The following PCDHGA1 variants were observed in gnomAD, a reference collection of about 807,000 sequenced individuals.
PCDHGA1 encodes protocadherin gamma subfamily A, 1, also known as protocadherin gamma-A1.
A neutral mutation model predicts 58.0 loss-of-function variants in PCDHGA1; 32 were observed. The ratio of observed to expected loss-of-function variants is 0.55; its 90% confidence interval spans 0.42 to 0.74. PCDHGA1 has a LOEUF of 0.74. PCDHGA1 is among the 30% of genes least tolerant of loss of function. The pLI, the probability that PCDHGA1 is intolerant of heterozygous loss-of-function variation, is 0.00. For missense variants in PCDHGA1, 1,205 were observed against 1,182.3 expected (o/e 1.02, Z -0.28); for synonymous variants, 498 against 501.1 (o/e 0.99, Z 0.08).
chr5:141,483,303 T>A (rs1222660132), intron 1 of PCDHGA1, among the ~76,000 whole-genome samples: 1 of 152,146 alleles, frequency 6.6e-6, no homozygotes, highest in Non-Finnish European at 1.5e-5. Context: ...GTGAAGGGAC[T>A]GGGGACATTG....
At chr5:141,398,923 G>A in intron 1 of PCDHGA1, 1 of 1,613,978 alleles carries the variant, frequency 6.2e-7, no homozygotes, top group Non-Finnish European at 8.5e-7. Context: ...GCAAGTGTCA[G>A]CCACTGACCA....
rs368153419 is a variant in PCDHGA1 at position 141,476,458 on chromosome 5, C to T, written c.2422-18349C>T. 1 of 1,614,044 alleles carries T rather than the reference C, an allele frequency of 6.2e-7. No homozygotes were observed. Among genetic ancestry groups the T allele is most frequent in the Non-Finnish European group, 8.5e-7 (1 of 1,180,014 alleles). On this transcript the variant is annotated intron_variant, in intron 1 of 3. Coordinates refer to ENST00000517417, the MANE Select transcript of PCDHGA1 (RefSeq NM_018912.3). The surrounding 1 kb of genome is among the most constrained non-coding windows in gnomAD (Gnocchi z 7.6). ...TAACTCTGGAGTTGGTAGTGGAGAA[C>T]CCGCTGGAGCTGTTCAGCGTGGAAG...
At chr5:141,411,890 G>T (rs2095521758) in intron 1 of PCDHGA1, 1 of 152,148 alleles carries the variant, frequency 6.6e-6, no homozygotes, top group South Asian at 2.1e-4. Context: ...AGAAATAAAT[G>T]AAATACTATT....
At chr5:141,424,036 C>T (rs2096796408) in intron 1 of PCDHGA1, 1 of 1,029,488 alleles carries the variant, frequency 9.7e-7, no homozygotes, top group Non-Finnish European at 1.2e-6. Flanking sequence ...CTTTTTATTT[C>T]CATTTCAATT....
intron 1 of PCDHGA1, among the ~76,000 whole-genome samples, chr5:141,468,178 T>G (rs1033546956): frequency 1.3e-5 from 2 of 151,580 alleles, no homozygotes; most frequent in African/African-American, 4.8e-5. Context: ...TAGAAAAATT[T>G]GCTGGGCATG....
At chr5:141,422,053 G>A in intron 1 of PCDHGA1, 1 of 1,611,606 alleles carries the variant, frequency 6.2e-7, no homozygotes, top group Non-Finnish European at 8.5e-7. Context: ...GGGAATCAAC[G>A]GGGAAGTAAT....
chr5:141,475,821 G>T, intron 1 of PCDHGA1: 1 of 352,534 alleles, frequency 2.8e-6, no homozygotes, highest in Non-Finnish European at 5.1e-6. Context: ...AGTTCCTGGC[G>T]CTAGCGCGTG....
chr5:141,457,386 A>G lies in PCDHGA1; in HGVS notation c.2422-37421A>G, dbSNP rs1303460358. Reference sequence around the variant, plus strand: ...TGCAAAATAATTGCCCAGAACTAGCATATTGATTCACATTTTCACATTACC... The same window carrying G: ...TGCAAAATAATTGCCCAGAACTAGCGTATTGATTCACATTTTCACATTACC... On this transcript the variant is annotated intron_variant, in intron 1 of 3. Transcript: ENST00000517417. Among the ~76,000 whole-genome samples the G allele has an allele frequency of 5.3e-5, 8 of 152,210 alleles. No homozygotes were observed. The East Asian group carries it at 1.3e-3, about 26-fold the overall frequency.
At chr5:141,484,399 CCGCTGTGTCT>C (rs1488164183) in intron 1 of PCDHGA1, among the ~76,000 whole-genome samples, 4 of 152,186 alleles carry the variant, frequency 2.6e-5, no homozygotes, top group Non-Finnish European at 4.4e-5. Context: ...GGTTTGGTTT[CCGCTGTGTCT>C]CCTGTTACAA....
intron 1 of PCDHGA1, chr5:141,372,390 G>GA: frequency 6.2e-7 from 1 of 1,614,044 alleles, no homozygotes; most frequent in Non-Finnish European, 8.5e-7. Context: ...AATCTTCGCA[G>GA]ATAGCTTGCA....
At position 141,384,907 on chromosome 5, in the gene PCDHGA1, G is replaced by A. The variant is rs753215361; in HGVS notation, c.2421+51802G>A. 1.5e-5 allele frequency: 24 copies of A among 1,613,952 alleles called. No homozygotes were observed. The South Asian group carries it at 2.3e-4, about 16-fold the overall frequency. ...CGTGGCTGTGGCTGACAGCATCCCCGAAGTCTTGGCCGACCTGGGCAGCCT... is the reference window on the plus strand; with the variant it reads ...CGTGGCTGTGGCTGACAGCATCCCCAAAGTCTTGGCCGACCTGGGCAGCCT... On this transcript the variant is annotated intron_variant, in intron 1 of 3. Transcript: ENST00000517417.
chr5:141,432,071 AT>A lies in PCDHGA1; in HGVS notation c.2422-62735del. 1 of 1,614,158 alleles carries A rather than the reference AT, an allele frequency of 6.2e-7. No individual in the cohort carries two copies. Among genetic ancestry groups the A allele is most frequent in the Non-Finnish European group, 8.5e-7 (1 of 1,180,032 alleles). ...CCCGCCCCTATCCACGGAAACTCAT[AT>A]CTCGCTGAACGTGGCAGACACCAAC... On this transcript the variant is annotated intron_variant, in intron 1 of 3. Transcript: ENST00000517417. The surrounding 1 kb of genome is among the most constrained non-coding windows in gnomAD (Gnocchi z 6.0).
At chr5:141,384,531 C>T (rs762355289) in intron 1 of PCDHGA1, 11 of 1,614,116 alleles carry the variant, frequency 6.8e-6, no homozygotes, top group African/African-American at 2.7e-5. Context: ...CTCTCAGCAG[C>T]AACATGTCAC....
In PCDHGA1 at chr5:141,418,939, C is replaced by T. The variant is rs766248741; in HGVS notation, c.2422-75868C>T. The T allele has an allele frequency of 8.7e-6, 14 of 1,613,642 alleles. No individual in the cohort carries two copies. In the African/African-American group the frequency reaches 1.7e-4, roughly 20 times the overall value. On this transcript the variant is annotated intron_variant, in intron 1 of 3. Transcript: ENST00000517417. ...TCTCTGATCAGATTATGGAGGATTC[C>T]CCTCCAGGAGTGGTTGTTGCCCTCT...
intron 1 of PCDHGA1, chr5:141,341,789 G>A (rs1757088850): frequency 3.1e-6 from 1 of 323,696 alleles, no homozygotes; most frequent in African/African-American, 2.1e-5. Context: ...CTTCTTTTAA[G>A]TTATGACTCT....
intron 1 of PCDHGA1, chr5:141,428,221 G>T (rs1314522513): frequency 1.0e-5 from 12 of 1,177,166 alleles, no homozygotes; most frequent in East Asian, 4.9e-5. Context: ...CCTAGTCTTC[G>T]CAGACAGCCT....
In PCDHGA1 at chr5:141,485,099, G is replaced by T; in HGVS notation, c.2422-9708G>T. The T allele has an allele frequency of 8.7e-7, 1 of 1,145,218 alleles. No individual in the cohort carries two copies. Among genetic ancestry groups the T allele is most frequent in the Non-Finnish European group, 1.3e-6 (1 of 775,682 alleles). 70.9% of individuals were successfully genotyped at this position (1,145,218 alleles called of 1,614,324 possible). A position where few individuals can be genotyped will look rare whatever the true frequency, so the allele number is the denominator to read the frequency against. ...GGGGAAAGGGAGATAGGTGTCTCCA[G>T]CTGCTGTGGCTGTTTGGGGCGGGTC... On this transcript the variant is annotated intron_variant, in intron 1 of 3. Transcript: ENST00000517417. The surrounding 1 kb of genome is among the most constrained non-coding windows in gnomAD (Gnocchi z 5.7).
intron 1 of PCDHGA1, chr5:141,351,617 T>G (rs1469008271): frequency 6.2e-7 from 1 of 1,614,030 alleles, no homozygotes. Flanking sequence ...TCAGGCCTCC[T>G]ATGTGGTCCA....
chr5:141,352,036 A>G, intron 1 of PCDHGA1: 1 of 1,608,834 alleles, frequency 6.2e-7, no homozygotes, highest in Admixed American at 1.7e-5. Context: ...CGGTGGACGC[A>G]GACTCAGGAC....
Sources: gnomAD v4.1 joint callset for allele counts (sites outside exome capture counted in the v4.1 genomes callset) on GRCh38, gnomAD v4.1.1 for gene constraint, Gnocchi (gnomAD v3.1) non-coding constraint, MANE v1.5 for transcripts, NCBI Gene and HGNC (gene_info 2026-07-23, HGNC 2026-07-21) for gene names.